EPC1: variants seen among roughly 807,000 people sequenced by gnomAD.
The protein encoded by EPC1 is enhancer of polycomb homolog 1.
Under a neutral mutation model 98.4 loss-of-function variants are expected in EPC1, and 12 were observed. The observed-to-expected ratio is 0.12, with a 90% CI of 0.08 to 0.20. The LOEUF is 0.20. EPC1 is among the 10% of genes least tolerant of loss of function. The probability of loss-of-function intolerance (pLI) is 1.00; values close to 1 mark genes in which losing one functional copy is unlikely to be tolerated. For missense variants in EPC1, 729 were observed against 990.5 expected (o/e 0.74, Z 3.54); for synonymous variants, 357 against 363.9 (o/e 0.98, Z 0.21).
At chr10:32,375,927 C>A (rs902870537) in intron 1 of EPC1, among the ~76,000 whole-genome samples, 1 of 151,736 alleles carries the variant, frequency 6.6e-6, no homozygotes, top group Middle Eastern at 3.2e-3. Context: ...CACAATCACA[C>A]CAAGCTCATG....
At chr10:32,300,058 C>T (rs1187828235) in intron 2 of EPC1, among the ~76,000 whole-genome samples, 1 of 151,678 alleles carries the variant, frequency 6.6e-6, no homozygotes, top group East Asian at 2.0e-4. Flanking sequence ...ACTACAGGCA[C>T]CTGCCACCAC....
At chr10:32,372,946 C>T (rs1276919546) in intron 1 of EPC1, among the ~76,000 whole-genome samples, 2 of 152,198 alleles carry the variant, frequency 1.3e-5, no homozygotes, top group South Asian at 2.1e-4. Context: ...ATTGCTTGAA[C>T]CCGGGAGGCG....
rs530811858 is a variant in EPC1, at chr10:32,272,220, A to G, written c.1864-53T>C. On this transcript the variant is annotated intron_variant, in intron 11 of 13. Transcript: ENST00000319778. ...ATCAGTATCACTTAGTATCAAATCA[A>G]TATCAAAACTACACATGCATACCAA... 57 of 1,455,014 alleles carry G rather than the reference A, an allele frequency of 3.9e-5. No homozygotes were observed. The South Asian group carries it at 5.9e-4, about 15-fold the overall frequency. 90.1% of individuals were successfully genotyped at this position (1,455,014 alleles called of 1,614,324 possible).
At chr10:32,289,136 C>T (rs1836857583) in intron 6 of EPC1, among the ~76,000 whole-genome samples, 1 of 151,748 alleles carries the variant, frequency 6.6e-6, no homozygotes, top group Non-Finnish European at 1.5e-5. Flanking sequence ...TTTAAAGATA[C>T]ATTTAGAACT....
At chr10:32,274,236 A>G (rs3006615) in intron 10 of EPC1, among the ~76,000 whole-genome samples, 132,871 of 152,042 alleles carry the variant, frequency 0.87, 58,085 homozygotes, top group East Asian at 0.96. Flanking sequence ...ACAAAAAAAG[A>G]TTTATCATGC....
At chr10:32,295,713 G>A (rs1489411939) in intron 2 of EPC1, among the ~76,000 whole-genome samples, 1 of 152,124 alleles carries the variant, frequency 6.6e-6, no homozygotes, top group African/African-American at 2.4e-5. Context: ...GCGGCTAACT[G>A]AATTTATATT....
intron 1 of EPC1, among the ~76,000 whole-genome samples, chr10:32,315,449 A>G (rs932001482): frequency 3.3e-5 from 5 of 152,214 alleles, no homozygotes; most frequent in Non-Finnish European, 5.9e-5. Flanking sequence ...CCACTTAGAC[A>G]TAACAATTAA....
At chr10:32,364,891 C>T (rs537597826) in intron 1 of EPC1, among the ~76,000 whole-genome samples, 2 of 140,790 alleles carry the variant, frequency 1.4e-5, no homozygotes, top group East Asian at 2.1e-4. Flanking sequence ...TAAAATATTA[C>T]GAGAATTTTT....
rs1338135492 is a variant in EPC1, at chr10:32,304,674, C to G, written c.313+1098G>C. Among the ~76,000 whole-genome samples, 3 of 152,168 alleles carry G rather than the reference C, an allele frequency of 2.0e-5. No homozygotes were observed. In the South Asian group the frequency reaches 6.2e-4, roughly 31 times the overall value. ...GTGGCTCATGCCTGTAATCCCAGCACTTTGGGAGGCCGAGGCGGGCGGATC... is the reference window on the plus strand; with the variant it reads ...GTGGCTCATGCCTGTAATCCCAGCAGTTTGGGAGGCCGAGGCGGGCGGATC... On this transcript the variant is annotated intron_variant, in intron 2 of 13. Coordinates refer to ENST00000319778, the MANE Select transcript of EPC1 (RefSeq NM_001272004.3).
intron 1 of EPC1, chr10:32,345,487 T>C: frequency 1.0e-6 from 1 of 985,504 alleles, no homozygotes; most frequent in Non-Finnish European, 1.2e-6. Context: ...ACAACAAAAT[T>C]GTAGCACACA....
At chr10:32,364,806 C>G (rs1839550529) in intron 1 of EPC1, among the ~76,000 whole-genome samples, 1 of 152,178 alleles carries the variant, frequency 6.6e-6, no homozygotes. Context: ...TGCAACCTTC[C>G]AACCTGTGGC....
intron 1 of EPC1, among the ~76,000 whole-genome samples, chr10:32,376,878 C>T (rs545148599): frequency 7.9e-5 from 12 of 152,074 alleles, no homozygotes; most frequent in African/African-American, 2.4e-4. Context: ...AAAAAAAATA[C>T]GCTTTAGGGT....
At chr10:32,324,235 C>A (rs1837123256) in intron 1 of EPC1, among the ~76,000 whole-genome samples, 1 of 151,684 alleles carries the variant, frequency 6.6e-6, no homozygotes, top group Non-Finnish European at 1.5e-5. Flanking sequence ...CTGCGCCCGG[C>A]CTAGTTATTC....
chr10:32,352,560 T>A (rs942218024), intron 1 of EPC1, among the ~76,000 whole-genome samples: 1 of 152,100 alleles, frequency 6.6e-6, no homozygotes, highest in African/African-American at 2.4e-5. Context: ...CATGAAACAT[T>A]GACTACTTAA....
chr10:32,307,079 C>G (rs1476100572), intron 1 of EPC1, among the ~76,000 whole-genome samples: 1 of 152,122 alleles, frequency 6.6e-6, no homozygotes, highest in Non-Finnish European at 1.5e-5. Context: ...AACTTTATCC[C>G]TAGCTTTGGT....
Position 32,320,073 on chromosome 10 carries a change from T to C in EPC1, c.154-14142A>G, listed in dbSNP as rs528059901. On this transcript the variant is annotated intron_variant, in intron 1 of 13. Coordinates refer to ENST00000319778, the MANE Select transcript of EPC1 (RefSeq NM_001272004.3). ...ATGTGTGTACATATGAGAAAGAGAA[T>C]AAAGCAAATAGGGCAAAGTGTTAAC... Among the ~76,000 whole-genome samples, 6 of 152,206 alleles carry C rather than the reference T, an allele frequency of 3.9e-5. No individual in the cohort carries two copies. In the South Asian group the frequency reaches 1.2e-3, roughly 32 times the overall value.
intron 1 of EPC1, among the ~76,000 whole-genome samples, chr10:32,322,646 A>G (rs530912519): frequency 3.0e-4 from 45 of 152,356 alleles, no homozygotes; most frequent in Non-Finnish European, 5.0e-4. Context: ...TCTAAAATAT[A>G]AACCTTTAGG....
At chr10:32,349,890 G>C (rs1339913086), upstream of EPC1, among the ~76,000 whole-genome samples, 1 of 152,190 alleles carries the variant, frequency 6.6e-6, no homozygotes, top group Non-Finnish European at 1.5e-5. Flanking sequence ...GTGAGCCACT[G>C]CGTTCGGACC....
At chr10:32,321,799 C>T (rs1360815139) in intron 1 of EPC1, among the ~76,000 whole-genome samples, 2 of 151,972 alleles carry the variant, frequency 1.3e-5, no homozygotes, top group Admixed American at 1.3e-4. Context: ...TAGCTTAATT[C>T]TCCCTTCTTG....
Sources: allele counts gnomAD v4.1 joint callset (sites outside exome capture counted in the v4.1 genomes callset), GRCh38; gene constraint gnomAD v4.1.1; transcripts MANE v1.5; gene names NCBI Gene and HGNC (gene_info 2026-07-23, HGNC 2026-07-21).